CTNNA3: variants seen among roughly 807,000 people sequenced by gnomAD.
The protein encoded by CTNNA3 is catenin alpha 3, also known as catenin alpha-3.
Under a neutral mutation model 95.7 loss-of-function variants are expected in CTNNA3, and 76 were observed. That is an observed-to-expected ratio of 0.79 (90% CI 0.66 to 0.96). The LOEUF (loss-of-function observed/expected upper bound fraction) is 0.96. CTNNA3 is among the 40% of genes least tolerant of loss of function. The probability of loss-of-function intolerance (pLI) is 0.00; values close to 1 mark genes in which losing one functional copy is unlikely to be tolerated. For synonymous variants in CTNNA3, 431 were observed against 374.4 expected, an observed-to-expected ratio of 1.15 and a Z score of -1.74; for missense variants, 1,191 against 1,089.8, an observed-to-expected ratio of 1.09 and a Z score of -1.31.
At chr10:66,298,104 T>C (rs964511957) in intron 12 of CTNNA3, among the ~76,000 whole-genome samples, 1 of 152,130 alleles carries the variant, frequency 6.6e-6, no homozygotes, top group African/African-American at 2.4e-5. Context: ...ACAGCAGAAA[T>C]CATGAAAGCA....
chr10:66,595,983 A>G (rs1843701043), intron 10 of CTNNA3, among the ~76,000 whole-genome samples: 1 of 151,822 alleles, frequency 6.6e-6, no homozygotes, highest in African/African-American at 2.4e-5. Flanking sequence ...CTCATTTTTC[A>G]AGTGCAGCAA....
chr10:66,570,381 C>A (rs926378108), intron 10 of CTNNA3, among the ~76,000 whole-genome samples: 2 of 152,072 alleles, frequency 1.3e-5, no homozygotes, highest in African/African-American at 4.8e-5. Flanking sequence ...CTCTGCCTCC[C>A]GGGTTCAAGC....
At chr10:66,145,913 G>A (rs2083860194) in intron 13 of CTNNA3, among the ~76,000 whole-genome samples, 1 of 152,220 alleles carries the variant, frequency 6.6e-6, no homozygotes, top group South Asian at 2.1e-4. Context: ...GAGTGCAGTG[G>A]CATGATCTAG....
At chr10:67,248,371 C>A (rs1293695599) in intron 5 of CTNNA3, among the ~76,000 whole-genome samples, 2 of 152,058 alleles carry the variant, frequency 1.3e-5, no homozygotes, top group Non-Finnish European at 2.9e-5. Flanking sequence ...ACAAATGGTG[C>A]TAGGGCAACT....
chr10:67,237,107 T>A (rs1214473388), intron 5 of CTNNA3, among the ~76,000 whole-genome samples: 2 of 119,398 alleles, frequency 1.7e-5, no homozygotes, highest in Admixed American at 2.0e-4. Flanking sequence ...AATGAGTGGA[T>A]AAAGAAACTA....
At chr10:67,474,348 T>C (rs1847930909) in intron 5 of CTNNA3, among the ~76,000 whole-genome samples, 1 of 152,142 alleles carries the variant, frequency 6.6e-6, no homozygotes, top group South Asian at 2.1e-4. Flanking sequence ...GCTGTCCTTA[T>C]AAGAAGAGAA....
At chr10:66,683,776 C>G (rs1165878386) in intron 9 of CTNNA3, among the ~76,000 whole-genome samples, 1 of 152,036 alleles carries the variant, frequency 6.6e-6, no homozygotes, top group Non-Finnish European at 1.5e-5. Context: ...GACAGCCAAT[C>G]TAAACAAAAG....
At chr10:66,098,295 T>A (rs985618844) in intron 14 of CTNNA3, among the ~76,000 whole-genome samples, 38 of 152,154 alleles carry the variant, frequency 2.5e-4, no homozygotes, top group African/African-American at 8.9e-4. Flanking sequence ...AGTTTACAAG[T>A]GTGCTGTACT....
At chr10:67,148,497 G>A (rs1310778762) in intron 7 of CTNNA3, among the ~76,000 whole-genome samples, 1 of 152,190 alleles carries the variant, frequency 6.6e-6, no homozygotes, top group African/African-American at 2.4e-5. Context: ...CATGGGGTTA[G>A]GATGGAATGA....
At chr10:67,500,640 T>C (rs563783008) in intron 5 of CTNNA3, among the ~76,000 whole-genome samples, 24 of 152,380 alleles carry the variant, frequency 1.6e-4, no homozygotes, top group Middle Eastern at 3.4e-3. Flanking sequence ...CTTAGGATAC[T>C]TAGCTCTTCT....
At chr10:67,470,258 T>C (rs1040966090) in intron 5 of CTNNA3, among the ~76,000 whole-genome samples, 1 of 152,202 alleles carries the variant, frequency 6.6e-6, no homozygotes, top group African/African-American at 2.4e-5. Flanking sequence ...GTCCCAACCA[T>C]GTTTTGCAAA....
intron 11 of CTNNA3, among the ~76,000 whole-genome samples, chr10:66,434,327 T>A (rs1221200353): frequency 6.6e-6 from 1 of 152,174 alleles, no homozygotes; most frequent in East Asian, 1.9e-4. Flanking sequence ...CCTTGAGCAG[T>A]GGTTTGTAGT....
chr10:66,309,640 C>T (rs907299137), intron 12 of CTNNA3, among the ~76,000 whole-genome samples: 169 of 132,114 alleles, frequency 1.3e-3, no homozygotes, highest in African/African-American at 4.4e-3. Flanking sequence ...GAGCTGAGAT[C>T]GCGCCACTGC....
intron 7 of CTNNA3, among the ~76,000 whole-genome samples, chr10:66,805,090 T>C (rs1042188604): frequency 7.9e-5 from 12 of 152,136 alleles, no homozygotes; most frequent in Admixed American, 1.3e-4. Flanking sequence ...TCCCTGGTGA[T>C]AACATTTCAC....
intron 10 of CTNNA3, among the ~76,000 whole-genome samples, chr10:66,525,757 T>A (rs1722394610): frequency 6.6e-6 from 1 of 152,132 alleles, no homozygotes; most frequent in African/African-American, 2.4e-5. Context: ...TCTCCAGAAC[T>A]TTTTAGCACA....
intron 17 of CTNNA3, among the ~76,000 whole-genome samples, chr10:65,932,550 G>A (rs1299449255): frequency 6.6e-6 from 1 of 152,128 alleles, no homozygotes; most frequent in African/African-American, 2.4e-5. Flanking sequence ...AGGTAACACA[G>A]ATAGTAAGAG....
intron 16 of CTNNA3, among the ~76,000 whole-genome samples, chr10:65,971,693 C>T (rs2078106866): frequency 1.3e-5 from 2 of 151,896 alleles, no homozygotes; most frequent in South Asian, 2.1e-4. Context: ...CCACCACCAA[C>T]AACAACAAAA....
chr10:67,386,955 T>A (rs1446051529), intron 5 of CTNNA3, among the ~76,000 whole-genome samples: 2 of 152,196 alleles, frequency 1.3e-5, no homozygotes, highest in African/African-American at 4.8e-5. Context: ...TAAGTATTTG[T>A]TAAGACCTCA....
chr10:67,562,120 T>A (rs1241671370), intron 3 of CTNNA3, among the ~76,000 whole-genome samples: 1 of 152,010 alleles, frequency 6.6e-6, no homozygotes, highest in Non-Finnish European at 1.5e-5. Flanking sequence ...AAAGAGGGAA[T>A]CCTCCCTAAC....
Sources: allele counts gnomAD v4.1 joint callset (sites outside exome capture counted in the v4.1 genomes callset), GRCh38; gene constraint gnomAD v4.1.1; transcripts MANE v1.5; gene names NCBI Gene and HGNC (gene_info 2026-07-23, HGNC 2026-07-21).